The following ZCCHC7 variants were observed in gnomAD, a reference collection of about 807,000 sequenced individuals.
ZCCHC7 encodes zinc finger CCHC-type containing 7.
In ZCCHC7, 35 loss-of-function variants were observed where a neutral mutation model predicts 52.0. The ratio of observed to expected loss-of-function variants is 0.67; its 90% confidence interval spans 0.51 to 0.89. ZCCHC7 has a LOEUF of 0.89. Ranked by LOEUF, ZCCHC7 falls within the 40% of genes least tolerant of loss-of-function variation. ZCCHC7 has a pLI of 0.00. For missense variants in ZCCHC7, 574 were observed against 649.1 expected (o/e 0.88, Z 1.26); for synonymous variants, 217 against 221.5 (o/e 0.98, Z 0.18).
At chr9:37,253,189 A>G (rs934713108) in intron 2 of ZCCHC7, among the ~76,000 whole-genome samples, 2 of 152,026 alleles carry the variant, frequency 1.3e-5, no homozygotes, top group African/African-American at 4.8e-5. Flanking sequence ...AATCAACACA[A>G]TGTGATTTCC....
At chr9:37,345,503 G>T (rs142787305) in intron 6 of ZCCHC7, among the ~76,000 whole-genome samples, 1 of 152,134 alleles carries the variant, frequency 6.6e-6, no homozygotes, top group Non-Finnish European at 1.5e-5. Flanking sequence ...TGAGGCAGGC[G>T]GATCACTTGA....
intron 2 of ZCCHC7, among the ~76,000 whole-genome samples, chr9:37,281,455 C>G (rs1239410716): frequency 6.6e-6 from 1 of 152,164 alleles, no homozygotes; most frequent in Non-Finnish European, 1.5e-5. Flanking sequence ...ATTATAAACT[C>G]TTTATGTGCA....
At chr9:37,158,331 A>AAGTTG (rs1820922685) in intron 2 of ZCCHC7, among the ~76,000 whole-genome samples, 1 of 152,198 alleles carries the variant, frequency 6.6e-6, no homozygotes, top group Admixed American at 6.5e-5. Flanking sequence ...AGACCCAAGG[A>AAGTTG]AGTTGTTTGG....
At chr9:37,200,865 A>G (rs1395550526) in intron 2 of ZCCHC7, among the ~76,000 whole-genome samples, 1 of 152,202 alleles carries the variant, frequency 6.6e-6, no homozygotes, top group Non-Finnish European at 1.5e-5. Flanking sequence ...TTAGAAATGC[A>G]TGTGTTTTAA....
chr9:37,125,308 A>G (rs1158375458), intron 1 of ZCCHC7, among the ~76,000 whole-genome samples: 2 of 152,158 alleles, frequency 1.3e-5, no homozygotes, highest in South Asian at 2.1e-4. Context: ...TTGCACTGCC[A>G]TGCCTGGCTA....
chr9:37,345,328 G>T (rs1820891495), intron 6 of ZCCHC7, among the ~76,000 whole-genome samples: 1 of 152,150 alleles, frequency 6.6e-6, no homozygotes, highest in South Asian at 2.1e-4. Context: ...CTTTGTGGGT[G>T]GAAAATCATT....
At chr9:37,263,382 A>G (rs1245469268) in intron 2 of ZCCHC7, among the ~76,000 whole-genome samples, 1 of 152,086 alleles carries the variant, frequency 6.6e-6, no homozygotes, top group Admixed American at 6.5e-5. Context: ...AAGGAATGAA[A>G]AAAAAACCTG....
In ZCCHC7 at chr9:37,353,912, T is replaced by A. The variant is rs73452641; in HGVS notation, c.1084-798T>A. 3.7e-3 allele frequency among the ~76,000 whole-genome samples: 564 copies of A among 152,246 alleles called. 2 individuals carry two copies. Among genetic ancestry groups the A allele is most frequent in the African/African-American group, 0.013 (537 of 41,538 alleles). On this transcript the variant is annotated intron_variant, in intron 7 of 8. Coordinates refer to ENST00000336755, the MANE Select transcript of ZCCHC7 (RefSeq NM_032226.3). ...GGGGAAAGTTCCAAAAGAAAAGATT[T>A]CAAACATGCTGAATGGATCTGTGTC...
At chr9:37,271,348 AAAAGAGGGAGGTGGACTGAAGGG>A (rs768947451) in intron 2 of ZCCHC7, among the ~76,000 whole-genome samples, 5 of 152,168 alleles carry the variant, frequency 3.3e-5, no homozygotes, top group Non-Finnish European at 7.4e-5. Flanking sequence ...AATTGCATGG[AAAAGAGGGAGGTGGACTGAAGGG>A]AAGAAATATG....
intron 2 of ZCCHC7, among the ~76,000 whole-genome samples, chr9:37,245,131 TA>T (rs1826029926): frequency 6.6e-6 from 1 of 151,942 alleles, no homozygotes; most frequent in Admixed American, 6.6e-5. Context: ...GCAAAGTAGA[TA>T]AATATTTTAG....
At position 37,324,716 on chromosome 9, in the gene ZCCHC7, T is replaced by C. The variant is rs185355939; in HGVS notation, c.952-3083T>C. ...GCATGTTAGTAAGGCTAATCCTTTCTCCTGTGCTGTGTTCCCAGCAGGGCT... is the reference window on the plus strand; with the variant it reads ...GCATGTTAGTAAGGCTAATCCTTTCCCCTGTGCTGTGTTCCCAGCAGGGCT... On this transcript the variant is annotated intron_variant, in intron 5 of 8. Transcript: ENST00000336755. 3.0e-4 allele frequency among the ~76,000 whole-genome samples: 46 copies of C among 152,320 alleles called. No homozygotes were observed. In the East Asian group the frequency reaches 8.5e-3, roughly 28 times the overall value.
At chr9:37,187,708 C>A (rs143477931) in intron 2 of ZCCHC7, among the ~76,000 whole-genome samples, 7 of 152,206 alleles carry the variant, frequency 4.6e-5, no homozygotes, top group African/African-American at 1.7e-4. Flanking sequence ...ACAGAATTAC[C>A]CTTCATTAAA....
At chr9:37,348,343 GTTCGTTCTTTCTTTCT>G (rs1417179252) in intron 6 of ZCCHC7, among the ~76,000 whole-genome samples, 3,779 of 100,140 alleles carry the variant, frequency 0.038, 161 homozygotes, top group African/African-American at 0.12. Context: ...AGTGATACCA[GTTCGTTCTTTCTTTCT>G]TTCTTTCTTT....
At position 37,157,818 on chromosome 9, in the gene ZCCHC7, G is replaced by C. The variant is rs117816067; in HGVS notation, c.610+30876G>C. On this transcript the variant is annotated intron_variant, in intron 2 of 8. Transcript: ENST00000336755. ...AAATAGTGGTGAAGATGTGGAGATT[G>C]GGAACCTGTGTACACTGTTGGTGGG... is the stretch of plus-strand genomic sequence containing the variant. Among the ~76,000 whole-genome samples the C allele has an allele frequency of 5.3e-3, 806 of 152,260 alleles. 10 individuals carry two copies. Among genetic ancestry groups the C allele is most frequent in the South Asian group, 0.018 (86 of 4,828 alleles).
At chr9:37,339,609 G>T (rs1403995650) in intron 6 of ZCCHC7, among the ~76,000 whole-genome samples, 1 of 152,208 alleles carries the variant, frequency 6.6e-6, no homozygotes, top group Non-Finnish European at 1.5e-5. Context: ...ATGTGATTTA[G>T]TCAGTAAGAT....
At chr9:37,336,184 T>G (rs1006533796) in intron 6 of ZCCHC7, among the ~76,000 whole-genome samples, 2 of 152,264 alleles carry the variant, frequency 1.3e-5, no homozygotes, top group East Asian at 1.9e-4. Context: ...CCTGATTTCA[T>G]AGCAAAATGT....
At chr9:37,175,117 GA>G (rs574722132) in intron 2 of ZCCHC7, among the ~76,000 whole-genome samples, 146 of 134,616 alleles carry the variant, frequency 1.1e-3, no homozygotes, top group South Asian at 2.4e-3. Flanking sequence ...CTGTCTCAAA[GA>G]AAAAAAAAAA....
At chr9:37,345,486 G>T (rs1820901219) in intron 6 of ZCCHC7, among the ~76,000 whole-genome samples, 1 of 152,140 alleles carries the variant, frequency 6.6e-6, no homozygotes, top group South Asian at 2.1e-4. Flanking sequence ...CCAGCATTTG[G>T]GGAGGCTGAG....
chr9:37,345,719 C>CAA (rs34403603), intron 6 of ZCCHC7, among the ~76,000 whole-genome samples: 25 of 119,090 alleles, frequency 2.1e-4, no homozygotes, highest in African/African-American at 3.9e-4. Context: ...GACTCCATCT[C>CAA]AAAAAAAAAA....
Sources: gnomAD v4.1 joint callset for allele counts (sites outside exome capture counted in the v4.1 genomes callset) on GRCh38, gnomAD v4.1.1 for gene constraint, MANE v1.5 for transcripts, NCBI Gene and HGNC (gene_info 2026-07-23, HGNC 2026-07-21) for gene names.